The following ATF7 variants were observed in gnomAD, a reference collection of about 807,000 sequenced individuals.
ATF7 encodes cyclic AMP-dependent transcription factor ATF-7.
A neutral mutation model predicts 50.4 loss-of-function variants in ATF7; 10 were observed. The ratio of observed to expected loss-of-function variants is 0.20; its 90% confidence interval spans 0.12 to 0.34. ATF7 has a LOEUF of 0.34. ATF7 is among the 10% of genes least tolerant of loss of function. ATF7 has a pLI of 1.00. For missense variants in ATF7, 465 were observed against 613.9 expected (o/e 0.76, Z 2.56); for synonymous variants, 201 against 226.4 (o/e 0.89, Z 1.01).
chr12:53,517,044 A>G lies in ATF7; in HGVS notation c.*93T>C. On this transcript the variant is annotated 3_prime_UTR_variant, in exon 12 of 12. Transcript: ENST00000420353. ...CACAATTCCCCCCACCCATATTGCCATGTCCAAGGCAGATGGGAGGGGATA... is the reference window on the plus strand; with the variant it reads ...CACAATTCCCCCCACCCATATTGCCGTGTCCAAGGCAGATGGGAGGGGATA... 1 of 1,364,132 alleles carries G rather than the reference A, an allele frequency of 7.3e-7. No individual in the cohort carries two copies. Among genetic ancestry groups the G allele is most frequent in the Admixed American group, 1.7e-5 (1 of 57,460 alleles). The allele number at this position is 1,364,132 out of a possible 1,614,324, so 84.5% of individuals were successfully genotyped here. A position where few individuals can be genotyped will look rare whatever the true frequency, so the allele number is the denominator to read the frequency against.
chr12:53,606,193 T>C (rs1943598668), intron 1 of ATF7, among the ~76,000 whole-genome samples: 1 of 151,844 alleles, frequency 6.6e-6, no homozygotes, highest in East Asian at 1.9e-4. Context: ...TATTAAGATA[T>C]ATATATATAT....
rs1300337802 is a variant in ATF7 at position 53,524,935 on chromosome 12, T to G, written c.928-174A>C. The G allele has an allele frequency of 5.0e-6, 3 of 596,982 alleles. No homozygotes were observed. The highest frequency in any genetic ancestry group is 8.4e-6 in the Non-Finnish European group (3 of 356,156). 37.0% of individuals were successfully genotyped at this position (596,982 alleles called of 1,614,324 possible). A position where few individuals can be genotyped will look rare whatever the true frequency, so the allele number is the denominator to read the frequency against. ...TTCCCTTTTGTAGGAGTCCTCAATT[T>G]TGCCTCCTATTTCCTTCCAGTCTTC... On this transcript the variant is annotated intron_variant, in intron 9 of 11. Transcript: ENST00000420353. The surrounding 1 kb of genome is among the most constrained non-coding windows in gnomAD (Gnocchi z 4.6).
intron 1 of ATF7, among the ~76,000 whole-genome samples, chr12:53,606,611 C>T (rs1205162420): frequency 3.3e-5 from 5 of 151,634 alleles, no homozygotes; most frequent in African/African-American, 9.7e-5. Context: ...ATGTGCACAA[C>T]GTGCAGGTTT....
intron 4 of ATF7, among the ~76,000 whole-genome samples, chr12:53,539,742 C>A (rs575907352): frequency 6.6e-6 from 1 of 150,886 alleles, no homozygotes; most frequent in South Asian, 2.1e-4. Flanking sequence ...AAAAAAATGA[C>A]AAAAAGACTG....
chr12:53,516,937 G>A lies in ATF7; in HGVS notation c.*200C>T, dbSNP rs181858432. On this transcript the variant is annotated 3_prime_UTR_variant, in exon 12 of 12. Coordinates refer to ENST00000420353, the MANE Select transcript of ATF7 (RefSeq NM_006856.3). ...TGGGGGATGATCTATGAGGCTCCGG[G>A]GCTGGGAGGCCCCCAGCACAGGTGT... 1,107 of 630,902 alleles carry A rather than the reference G, an allele frequency of 1.8e-3. 4 individuals are homozygous for A. Among genetic ancestry groups the A allele is most frequent in the Non-Finnish European group, 2.1e-3 (771 of 363,740 alleles). 39.1% of individuals were successfully genotyped at this position (630,902 alleles called of 1,614,324 possible). A position where few individuals can be genotyped will look rare whatever the true frequency, so the allele number is the denominator to read the frequency against.
At chr12:53,595,438 G>A (rs1048922993) in intron 2 of ATF7, among the ~76,000 whole-genome samples, 2 of 152,174 alleles carry the variant, frequency 1.3e-5, no homozygotes, top group Non-Finnish European at 2.9e-5. Flanking sequence ...AAGATCCAGA[G>A]TCCCACAGTA....
At chr12:53,619,504 GA>G (rs1425506452) in intron 1 of ATF7, among the ~76,000 whole-genome samples, 9 of 128,124 alleles carry the variant, frequency 7.0e-5, no homozygotes, top group South Asian at 2.5e-4. Context: ...AAAAAAAAAA[GA>G]AAAAAAAAAG....
intron 5 of ATF7, among the ~76,000 whole-genome samples, chr12:53,536,593 G>T (rs1191765229): frequency 6.7e-6 from 1 of 150,172 alleles, no homozygotes. Context: ...TGGCTATTAA[G>T]AATACAATTG....
In ATF7 at chr12:53,517,346, T is replaced by C; in HGVS notation, c.1243A>G (p.Lys415Glu). The change falls in exon 12 of 12, where the codon AAG becomes GAG. Residue 415 changes from lysine (K) to glutamate (E), a missense_variant. Lys to Glu is a moderately conservative substitution (Grantham distance 56, BLOSUM62 1). Coordinates refer to ENST00000420353, the MANE Select transcript of ATF7 (RefSeq NM_006856.3). ...GAACCCGTTGGCTCTGAGCTTTCCT[T>C]GGGGCTTTCTGCCAGGAAGGAGGGC... ...KKTQGYLESP[K>E]ESSEPTGSPA... is the part of the protein sequence containing the mutation. 3 of 1,613,044 alleles carry C rather than the reference T, an allele frequency of 1.9e-6. No homozygotes were observed. The highest frequency in any genetic ancestry group is 2.5e-6 in the Non-Finnish European group (3 of 1,179,516).
chr12:53,575,449 G>A (rs922745526), intron 2 of ATF7: 3 of 149,016 alleles, frequency 2.0e-5, no homozygotes, highest in East Asian at 2.0e-4. Context: ...GGTGGTACAC[G>A]CCTGTAATCC....
chr12:53,542,738 G>T, intron 4 of ATF7: 1 of 221,440 alleles, frequency 4.5e-6, no homozygotes, highest in Non-Finnish European at 7.6e-6. Flanking sequence ...TTCTTTAAAA[G>T]TTCCCGAAGT....
At position 53,517,144 on chromosome 12, in the gene ATF7, C is replaced by T. The variant is rs1328362953; in HGVS notation, c.1445G>A (p.Gly482Asp). 1.2e-6 allele frequency: 2 copies of T among 1,611,280 alleles called. No homozygotes were observed. The highest frequency in any genetic ancestry group is 1.7e-6 in the Non-Finnish European group (2 of 1,179,868). Residue 482 changes from glycine (G) to aspartate (D), a missense_variant, in exon 12 of 12, where the codon GGC (glycine) becomes GAC (aspartate). Physicochemically the swap from Gly to Asp is moderately conservative, Grantham distance 94. Transcript: ENST00000420353. ...TCTCCACCAGAGGAGGCATCATCTG[C>T]CCGCAGACTGGGACTGTGGGGTCAT... ...VIMTPQSQSA[G>D]R
chr12:53,542,461 C>G lies in ATF7; in HGVS notation c.264+869G>C, dbSNP rs565140167. On this transcript the variant is annotated intron_variant, in intron 4 of 11. Coordinates refer to ENST00000420353, the MANE Select transcript of ATF7 (RefSeq NM_006856.3). ...AAAAAGAGAGAGATAGGGTCTCACTCTGTCACCCAGGCTGGAGCACAGTGG... is the reference window on the plus strand; with the variant it reads ...AAAAAGAGAGAGATAGGGTCTCACTGTGTCACCCAGGCTGGAGCACAGTGG... 1.5e-3 allele frequency among the ~76,000 whole-genome samples: 235 copies of G among 152,124 alleles called. 3 individuals carry two copies. Among genetic ancestry groups the G allele is most frequent in the African/African-American group, 5.2e-3 (217 of 41,536 alleles).
At chr12:53,608,438 G>A (rs1342038635) in intron 1 of ATF7, among the ~76,000 whole-genome samples, 2 of 152,066 alleles carry the variant, frequency 1.3e-5, no homozygotes, top group Non-Finnish European at 1.5e-5. Flanking sequence ...GTGGAAACTC[G>A]TTTATAAACA....
chr12:53,598,005 A>G (rs568833807), intron 2 of ATF7, among the ~76,000 whole-genome samples: 1 of 152,272 alleles, frequency 6.6e-6, no homozygotes, highest in African/African-American at 2.4e-5. Context: ...TCTGGAAGAA[A>G]GAACTTGAAT....
rs76534869 is a variant in ATF7, at chr12:53,567,671, G to C, written c.49-15034C>G. Among the ~76,000 whole-genome samples, 202 of 152,276 alleles carry C rather than the reference G, an allele frequency of 1.3e-3. 2 individuals are homozygous for C. The East Asian group carries it at 0.028, about 21-fold the overall frequency. On this transcript the variant is annotated intron_variant, in intron 2 of 11. Transcript: ENST00000420353. Reference sequence around the variant, plus strand: ...CCCAGCAGCAATTCAGCCAGGCCTGGTCCTATGTCAGTTACATGGCTAATT... The same window carrying C: ...CCCAGCAGCAATTCAGCCAGGCCTGCTCCTATGTCAGTTACATGGCTAATT...
chr12:53,560,673 T>C (rs1049781505), intron 2 of ATF7, among the ~76,000 whole-genome samples: 3 of 152,178 alleles, frequency 2.0e-5, no homozygotes, highest in African/African-American at 7.2e-5. Flanking sequence ...TGACCTATGA[T>C]GAATTCATGT....
downstream of ATF7, among the ~76,000 whole-genome samples, chr12:53,511,674 ATGGT>A (rs902914395): frequency 1.3e-5 from 2 of 152,104 alleles, no homozygotes; most frequent in Admixed American, 1.3e-4. Flanking sequence ...CCACTTTTTA[ATGGT>A]TGGGTGGGGG....
intron 2 of ATF7, among the ~76,000 whole-genome samples, chr12:53,566,179 G>A (rs1941435733): frequency 2.0e-5 from 3 of 152,146 alleles, no homozygotes; most frequent in Admixed American, 1.3e-4. Context: ...TGAGATTTAG[G>A]AGAGGATACA....
Sources: allele counts gnomAD v4.1 joint callset (sites outside exome capture counted in the v4.1 genomes callset), GRCh38; gene constraint gnomAD v4.1.1; non-coding constraint Gnocchi (gnomAD v3.1); transcripts MANE v1.5; gene names NCBI Gene and HGNC (gene_info 2026-07-23, HGNC 2026-07-21).